NOVA1: variants seen among roughly 807,000 people sequenced by gnomAD.
The protein encoded by NOVA1 is NOVA alternative splicing regulator 1, also known as RNA-binding protein Nova-1.
In NOVA1, 7 loss-of-function variants were observed where a neutral mutation model predicts 38.0. The ratio of observed to expected loss-of-function variants is 0.18; its 90% CI spans 0.10 to 0.35. NOVA1 has a LOEUF of 0.35. NOVA1 is among the 10% of genes least tolerant of loss of function. The pLI is 1.00. For missense variants in NOVA1, 460 were observed against 616.0 expected, an observed-to-expected ratio of 0.75 and a Z score of 2.68; for synonymous variants, 270 against 232.5, an observed-to-expected ratio of 1.16 and a Z score of -1.47.
At chr14:26,457,616 A>G (rs1327565205) in intron 4 of NOVA1, among the ~76,000 whole-genome samples, 1 of 152,106 alleles carries the variant, frequency 6.6e-6, no homozygotes, top group Non-Finnish European at 1.5e-5. Flanking sequence ...CAGTACATAA[A>G]ACCTGATAAT....
chr14:26,468,899 G>A lies in NOVA1; in HGVS notation c.519+3421C>T, dbSNP rs573314697. 7.2e-5 allele frequency among the ~76,000 whole-genome samples: 11 copies of A among 152,150 alleles called. No individual in the cohort carries two copies. In the East Asian group the frequency reaches 2.1e-3, roughly 29 times the overall value. On this transcript the variant is annotated intron_variant, in intron 4 of 4. Transcript: ENST00000539517. ...ATGAAATTTCAGAAAAATTCCAGGAGAGCTAACAAGGACTAAGGTTAAAAC... is the reference window on the plus strand; with the variant it reads ...ATGAAATTTCAGAAAAATTCCAGGAAAGCTAACAAGGACTAAGGTTAAAAC...
At chr14:26,537,709 T>C (rs532012810) in intron 2 of NOVA1, among the ~76,000 whole-genome samples, 3 of 152,170 alleles carry the variant, frequency 2.0e-5, no homozygotes, top group Non-Finnish European at 2.9e-5. Context: ...GGTTCTTTCA[T>C]TCTTAGTGGA....
At chr14:26,589,848 G>C (rs766410660) in intron 2 of NOVA1, among the ~76,000 whole-genome samples, 4 of 151,722 alleles carry the variant, frequency 2.6e-5, no homozygotes, top group Non-Finnish European at 4.4e-5. Flanking sequence ...AAAGACGTAG[G>C]AAAGCTGATG....
intron 4 of NOVA1, among the ~76,000 whole-genome samples, chr14:26,451,887 T>G (rs1472617966): frequency 6.6e-6 from 1 of 152,236 alleles, no homozygotes; most frequent in African/African-American, 2.4e-5. Context: ...CCACAATCAA[T>G]GTTTAATCAA....
At chr14:26,572,758 GTGTGTGTA>G (rs1329006725) in intron 2 of NOVA1, among the ~76,000 whole-genome samples, 7 of 148,598 alleles carry the variant, frequency 4.7e-5, no homozygotes, top group African/African-American at 1.5e-4. Flanking sequence ...GTGTGTGTGT[GTGTGTGTA>G]TGTGTGTCTG....
intron 2 of NOVA1, among the ~76,000 whole-genome samples, chr14:26,527,352 G>C (rs1889380339): frequency 6.6e-6 from 1 of 151,948 alleles, no homozygotes; most frequent in Admixed American, 6.6e-5. Context: ...GATGCCCATG[G>C]GAAAGTACCC....
chr14:26,495,227 A>T (rs920586294), intron 2 of NOVA1, among the ~76,000 whole-genome samples: 26 of 152,274 alleles, frequency 1.7e-4, no homozygotes, highest in Non-Finnish European at 3.1e-4. Flanking sequence ...GACTTTCTTA[A>T]CAGCCATAAA....
At chr14:26,479,418 T>A (rs1030005529) in intron 3 of NOVA1, 1 of 152,100 alleles carries the variant, frequency 6.6e-6, no homozygotes, top group Non-Finnish European at 1.5e-5. Context: ...TGGCCCTTTA[T>A]GACATATGTT....
intron 4 of NOVA1, among the ~76,000 whole-genome samples, chr14:26,462,119 T>C (rs539849938): frequency 6.6e-6 from 1 of 152,292 alleles, no homozygotes; most frequent in South Asian, 2.1e-4. Flanking sequence ...ATAGTGTTTA[T>C]AGTCTACAGC....
intron 2 of NOVA1, among the ~76,000 whole-genome samples, chr14:26,495,806 T>G (rs1462090535): frequency 6.9e-6 from 1 of 144,228 alleles, no homozygotes; most frequent in Non-Finnish European, 1.5e-5. Context: ...TTCATCCATG[T>G]CCCTACAAAG....
At chr14:26,482,008 A>AAAAAC (rs1281343730) in intron 2 of NOVA1, among the ~76,000 whole-genome samples, 2 of 109,602 alleles carry the variant, frequency 1.8e-5, no homozygotes, top group African/African-American at 5.4e-5. Context: ...AAAAAAAAAA[A>AAAAAC]AAAAAACATG....
rs762123447 is a variant in NOVA1, at chr14:26,445,892, A to G, written c.*2067T>C. 6.6e-6 allele frequency: 1 copy of G among 152,614 alleles called. No homozygotes were observed. Among genetic ancestry groups the G allele is most frequent in the Admixed American group, 6.6e-5 (1 of 15,262 alleles). The allele number at this position is 152,614 out of a possible 1,614,324, so 9.5% of individuals were successfully genotyped here. ...TGAGACGGGAGACAAGTGATGCTAC[A>G]TGATGAACTAAGCACATTTATAATG... On this transcript the variant is annotated 3_prime_UTR_variant, in exon 5 of 5. Coordinates refer to ENST00000539517, the MANE Select transcript of NOVA1 (RefSeq NM_002515.3).
chr14:26,572,814 C>A (rs925855846), intron 2 of NOVA1, among the ~76,000 whole-genome samples: 1 of 147,898 alleles, frequency 6.8e-6, no homozygotes, highest in Non-Finnish European at 1.5e-5. Flanking sequence ...TAACCAAATA[C>A]CTGTGGAAGA....
At chr14:26,560,918 C>T (rs552866248) in intron 2 of NOVA1, among the ~76,000 whole-genome samples, 2 of 152,238 alleles carry the variant, frequency 1.3e-5, no homozygotes, top group Non-Finnish European at 2.9e-5. Flanking sequence ...AATATACTAA[C>T]ATGTCCAGTG....
intron 2 of NOVA1, among the ~76,000 whole-genome samples, chr14:26,543,284 A>G (rs1017354837): frequency 1.3e-5 from 2 of 152,032 alleles, no homozygotes; most frequent in Non-Finnish European, 2.9e-5. Context: ...ATAAATAAGG[A>G]GATAGAAGTA....
chr14:26,570,581 A>C (rs1012453889), intron 2 of NOVA1, among the ~76,000 whole-genome samples: 2 of 152,056 alleles, frequency 1.3e-5, no homozygotes, highest in African/African-American at 4.8e-5. Context: ...ACATATGTGT[A>C]TGTGTACTGT....
chr14:26,597,506 T>TG lies in NOVA1; in HGVS notation c.-71_-70insC. 1 of 1,158,606 alleles carries TG rather than the reference T, an allele frequency of 8.6e-7. No homozygotes were observed. The highest frequency in any genetic ancestry group is 1.1e-6 in the Non-Finnish European group (1 of 940,602). 71.8% of individuals were successfully genotyped at this position (1,158,606 alleles called of 1,614,324 possible). On this transcript the variant is annotated 5_prime_UTR_variant, in exon 1 of 5. Coordinates refer to ENST00000539517, the MANE Select transcript of NOVA1 (RefSeq NM_002515.3). ...TGTTTTGGCTTTTTCTTTTCTTTTT[T>TG]CTTTTTTTTTTTTTTTTTTTTTTGC... is the stretch of plus-strand genomic sequence containing the variant.
At chr14:26,479,848 A>G (rs1447816757) in intron 3 of NOVA1, 129 bp downstream of exon 3, 2 of 930,492 alleles carry the variant, frequency 2.1e-6, no homozygotes, top group East Asian at 5.0e-5. Context: ...AAATAACTAA[A>G]TGACAACTCT....
At chr14:26,481,842 T>C (rs1038160004) in intron 2 of NOVA1, among the ~76,000 whole-genome samples, 1 of 152,004 alleles carries the variant, frequency 6.6e-6, no homozygotes, top group Non-Finnish European at 1.5e-5. Flanking sequence ...CTAGAAAGGA[T>C]AGGAACTGAT....
Sources: gnomAD v4.1 joint callset for allele counts (sites outside exome capture counted in the v4.1 genomes callset) on GRCh38, gnomAD v4.1.1 for gene constraint, MANE v1.5 for transcripts, NCBI Gene and HGNC (gene_info 2026-07-23, HGNC 2026-07-21) for gene names.